The following CELF2 variants were observed in gnomAD, a reference collection of about 807,000 sequenced individuals.
The protein encoded by CELF2 is CUG triplet repeat RNA-binding protein 2.
A neutral mutation model predicts 62.6 loss-of-function variants in CELF2; 8 were observed. The ratio of observed to expected loss-of-function variants is 0.13; its 90% CI spans 0.07 to 0.23. CELF2 has a LOEUF of 0.23. Among genes scored for constraint, CELF2 ranks in the 10% least tolerant of loss-of-function variants. The pLI, the probability that CELF2 is intolerant of heterozygous loss-of-function variation, is 1.00. For missense variants in CELF2, 333 were observed against 671.0 expected, an observed-to-expected ratio of 0.50 and a Z score of 5.56; for synonymous variants, 258 against 250.0, an observed-to-expected ratio of 1.03 and a Z score of -0.30.
chr10:10,966,599 G>C (rs1279543331), intron 2 of CELF2: 3 of 152,206 alleles, frequency 2.0e-5, no homozygotes, highest in African/African-American at 7.2e-5. Flanking sequence ...GATGGTGCTT[G>C]GGACACACAT....
chr10:11,104,947 A>G (rs906681326), intron 1 of CELF2, among the ~76,000 whole-genome samples: 1 of 152,172 alleles, frequency 6.6e-6, no homozygotes, highest in Non-Finnish European at 1.5e-5. Flanking sequence ...GCAGCTGCCA[A>G]TTACAGTTGT....
At chr10:10,792,807 CT>C in the CELF2 span, among the ~76,000 whole-genome samples, 4 of 152,132 alleles carry the variant, frequency 2.6e-5, no homozygotes, top group Non-Finnish European at 5.9e-5. Flanking sequence ...TTTTTCCCCC[CT>C]ACTGTATGTA....
In CELF2 at chr10:11,197,171, T is replaced by G. The variant is rs189189051; in HGVS notation, c.272-20254T>G. On this transcript the variant is annotated intron_variant, in intron 2 of 12. Coordinates refer to ENST00000633077, the MANE Select transcript of CELF2 (RefSeq NM_001326342.2). The stretch of plus-strand genomic sequence containing the variant: ...GCAGGGTAGGGATGAGCATCTTCAT[T>G]TTCTTCATTTTACACGGAAAAGAAA... 9.2e-5 allele frequency among the ~76,000 whole-genome samples: 14 copies of G among 152,084 alleles called. 1 individual carries two copies. In the East Asian group the frequency reaches 1.7e-3, roughly 19 times the overall value.
Position 11,117,815 on chromosome 10 carries a change from G to A in CELF2, c.75-47671G>A, listed in dbSNP as rs796546545. Among the ~76,000 whole-genome samples the A allele has an allele frequency of 6.6e-6, 1 of 152,116 alleles. No individual in the cohort carries two copies. Among genetic ancestry groups the A allele is most frequent in the African/African-American group, 2.4e-5 (1 of 41,412 alleles). On this transcript the variant is annotated intron_variant, in intron 1 of 12. Transcript: ENST00000633077. The surrounding 1 kb of genome is among the most constrained non-coding windows in gnomAD (Gnocchi z 4.1). ...CAAATAGGATTCATCTGAGCTTCTG[G>A]TTCTGATCTTGTAAAAGCTAACTCA...
rs541469417 is a variant in CELF2 at position 11,290,700 on chromosome 10, G to A, written c.976+2148G>A. On this transcript the variant is annotated intron_variant, in intron 9 of 12. Transcript: ENST00000633077. This position sits in a 1 kb window ranked among gnomAD's most constrained non-coding sequence, Gnocchi z 4.3. ...CTGCTGGAGTCAAAACCACACCAGCGCAGCGTCCTTGCCTTGACTGCTCTG... is the reference window on the plus strand; with the variant it reads ...CTGCTGGAGTCAAAACCACACCAGCACAGCGTCCTTGCCTTGACTGCTCTG... Among the ~76,000 whole-genome samples the A allele has an allele frequency of 5.9e-5, 9 of 152,252 alleles. No homozygotes were observed. The highest frequency in any genetic ancestry group is 2.0e-4 in the Admixed American group (3 of 15,298).
chr10:10,952,650 A>T (rs1592335545), intron 2 of CELF2, among the ~76,000 whole-genome samples: 2 of 152,008 alleles, frequency 1.3e-5, no homozygotes, highest in Middle Eastern at 6.8e-3. Context: ...TTATTTATAA[A>T]GAATTAATGA....
chr10:10,824,677 A>G (rs1259685748), intron 1 of CELF2, among the ~76,000 whole-genome samples: 2 of 152,226 alleles, frequency 1.3e-5, no homozygotes, highest in Non-Finnish European at 2.9e-5. Flanking sequence ...TTCTTAAGCA[A>G]TGTCAGAAAT....
At chr10:10,808,729 C>A (rs1472226986) in intron 1 of CELF2, among the ~76,000 whole-genome samples, 1 of 152,048 alleles carries the variant, frequency 6.6e-6, no homozygotes, top group Non-Finnish European at 1.5e-5. Context: ...ACGGTAAAGA[C>A]AACATGAAAC....
chr10:11,270,791 A>G lies in CELF2; in HGVS notation c.744A>G (p.Thr248=). The G allele has an allele frequency of 6.6e-7, 1 of 1,515,988 alleles. No homozygotes were observed. The highest frequency in any genetic ancestry group is 8.9e-7 in the Non-Finnish European group (1 of 1,126,778). 93.9% of individuals were successfully genotyped at this position (1,515,988 alleles called of 1,614,324 possible). The change falls in exon 7 of 13, where the codon ACA becomes ACG. Residue 248 remains threonine (T), a synonymous_variant. Transcript: ENST00000633077. The surrounding 1 kb of genome is among the most constrained non-coding windows in gnomAD (Gnocchi z 5.8). ...ACACTGCCACCTGGGGGAACCTGAC[A>G]GGGCTGGGCGGACTGACCCCACAGT... ...QLNTATWGNL[T]GLGGLTPQYL...
intron 1 of CELF2, among the ~76,000 whole-genome samples, chr10:11,155,787 C>T (rs372662518): frequency 1.3e-5 from 2 of 152,166 alleles, no homozygotes; most frequent in East Asian, 3.8e-4. Context: ...GAGACAGTGG[C>T]GTCCTTAATC....
chr10:10,579,876 C>T, the CELF2 span, among the ~76,000 whole-genome samples: 2 of 151,962 alleles, frequency 1.3e-5, no homozygotes, highest in African/African-American at 4.8e-5. Flanking sequence ...CACACACTCC[C>T]ACACTCCCAA....
At chr10:10,655,419 T>A in the CELF2 span, among the ~76,000 whole-genome samples, 2 of 126,012 alleles carry the variant, frequency 1.6e-5, no homozygotes, top group Non-Finnish European at 1.7e-5. Flanking sequence ...GCCAAGTCAA[T>A]CCTAAGCCAA....
chr10:10,774,883 ATT>A, the CELF2 span, among the ~76,000 whole-genome samples: 21,796 of 145,310 alleles, frequency 0.15, 1,858 homozygotes, highest in East Asian at 0.31. Flanking sequence ...TTATTTATTT[ATT>A]TTTTTTTTTT....
chr10:10,962,307 C>A (rs1250620894), intron 2 of CELF2, among the ~76,000 whole-genome samples: 1 of 152,254 alleles, frequency 6.6e-6, no homozygotes, highest in Non-Finnish European at 1.5e-5. Context: ...CATCTCCCTG[C>A]CCTGTCTCCT....
At chr10:10,504,409 T>C in the CELF2 span, among the ~76,000 whole-genome samples, 1 of 152,168 alleles carries the variant, frequency 6.6e-6, no homozygotes, top group Non-Finnish European at 1.5e-5. Flanking sequence ...GCTTCTGTAG[T>C]TGCTGATGAG....
the CELF2 span, among the ~76,000 whole-genome samples, chr10:10,712,616 A>T: frequency 6.6e-6 from 1 of 152,206 alleles, no homozygotes; most frequent in Non-Finnish European, 1.5e-5. Context: ...TGAGACCAGT[A>T]TTCAGACATC....
chr10:10,737,519 A>G, the CELF2 span, among the ~76,000 whole-genome samples: 1 of 152,120 alleles, frequency 6.6e-6, no homozygotes, highest in Non-Finnish European at 1.5e-5. Flanking sequence ...TTGCTTTTCA[A>G]TGCCCATACT....
In CELF2 at chr10:11,324,012, C is replaced by A. The variant is rs761320524; in HGVS notation, c.1295-1824C>A. On this transcript the variant is annotated intron_variant, in intron 11 of 12. Transcript: ENST00000633077. The surrounding 1 kb of genome is among the most constrained non-coding windows in gnomAD (Gnocchi z 4.7). ...GATGGAAAAATTGGGGGATCTATGT[C>A]AAGAGATGGTGCTGACATTTTTTTC... is the stretch of plus-strand genomic sequence containing the variant. Among the ~76,000 whole-genome samples, 18 of 151,200 alleles carry A rather than the reference C, an allele frequency of 1.2e-4. No homozygotes were observed. Among genetic ancestry groups the A allele is most frequent in the Non-Finnish European group, 1.6e-4 (11 of 67,906 alleles).
chr10:10,924,473 A>G (rs1334097899), intron 2 of CELF2, among the ~76,000 whole-genome samples: 1 of 152,146 alleles, frequency 6.6e-6, no homozygotes, highest in Non-Finnish European at 1.5e-5. Context: ...ATAGACCTTA[A>G]CAGAAGTATC....
Sources: allele counts gnomAD v4.1 joint callset (sites outside exome capture counted in the v4.1 genomes callset), GRCh38; gene constraint gnomAD v4.1.1; non-coding constraint Gnocchi (gnomAD v3.1); transcripts MANE v1.5; gene names NCBI Gene and HGNC (gene_info 2026-07-23, HGNC 2026-07-21).